The following ANKRD22 variants were observed in gnomAD, a reference collection of about 807,000 sequenced individuals.
The protein encoded by ANKRD22 is ankyrin repeat domain-containing protein 22.
Under a neutral mutation model 25.7 loss-of-function variants are expected in ANKRD22, and 24 were observed. That is an observed-to-expected ratio of 0.93 (90% confidence interval 0.68 to 1.31). The LOEUF is 1.31. ANKRD22 is among the 50% of genes most tolerant of loss of function. The pLI is 0.00. For synonymous variants in ANKRD22, 84 were observed against 84.3 expected, an observed-to-expected ratio of 1.00 and a Z score of 0.02; for missense variants, 214 against 227.1, an observed-to-expected ratio of 0.94 and a Z score of 0.37.
intron 1 of ANKRD22, among the ~76,000 whole-genome samples, chr10:88,841,330 G>T (rs1439566110): frequency 6.6e-6 from 1 of 152,008 alleles, no homozygotes; most frequent in East Asian, 1.9e-4. Flanking sequence ...AAGGCAGTAG[G>T]GTGCCCATAA....
intron 1 of ANKRD22, among the ~76,000 whole-genome samples, chr10:88,840,983 A>T (rs1464357542): frequency 1.3e-5 from 2 of 152,170 alleles, no homozygotes; most frequent in African/African-American, 4.8e-5. Flanking sequence ...CGTGTAGAGA[A>T]GTCATAGTTC....
At position 88,823,026 on chromosome 10, in the gene ANKRD22, G is replaced by A. The variant is rs758820445; in HGVS notation, c.499-8C>T. ...CAGTGAGCTCTCACCATGCTGAGGG[G>A]GGAAAAATATACAGTTATTTCCAAT... is the stretch of plus-strand genomic sequence containing the variant. On this transcript the variant is annotated splice_region_variant and splice_polypyrimidine_tract_variant and intron_variant, in intron 5 of 5. Coordinates refer to ENST00000371930, the MANE Select transcript of ANKRD22 (RefSeq NM_144590.3). The A allele has an allele frequency of 2.2e-5, 35 of 1,610,620 alleles. No individual in the cohort carries two copies. The South Asian group carries it at 3.5e-4, about 16-fold the overall frequency.
chr10:88,829,940 A>G (rs1448029561), intron 2 of ANKRD22, among the ~76,000 whole-genome samples: 3 of 152,038 alleles, frequency 2.0e-5, no homozygotes, highest in East Asian at 3.8e-4. Context: ...CCACACCTGG[A>G]TAATTTTTTA....
At position 88,820,100 on chromosome 10, in the gene ANKRD22, G is replaced by A. The variant is rs1713841963; in HGVS notation, c.*2841C>T. 1 of 677,412 alleles carries A rather than the reference G, an allele frequency of 1.5e-6. No homozygotes were observed. The highest frequency in any genetic ancestry group is 2.4e-6 in the Non-Finnish European group (1 of 413,746). The allele number at this position is 677,412 out of a possible 1,614,324, so 42.0% of individuals were successfully genotyped here. A position where few individuals can be genotyped will look rare whatever the true frequency, so the allele number is the denominator to read the frequency against. On this transcript the variant is annotated 3_prime_UTR_variant, in exon 6 of 6. Transcript: ENST00000371930. ...GGCGGGAACAGAAATTCTTAACAGA[G>A]TTGTGTGGCTCTAACACCCATGTAC... is the stretch of plus-strand genomic sequence containing the variant.
intron 1 of ANKRD22, among the ~76,000 whole-genome samples, chr10:88,845,950 G>A (rs1229395861): frequency 1.3e-5 from 2 of 152,108 alleles, no homozygotes; most frequent in African/African-American, 4.8e-5. Flanking sequence ...AGTCTTTACA[G>A]TGTTAACCAC....
At chr10:88,849,106 T>C (rs1250319977) in intron 1 of ANKRD22, among the ~76,000 whole-genome samples, 1 of 152,116 alleles carries the variant, frequency 6.6e-6, no homozygotes, top group Admixed American at 6.6e-5. Flanking sequence ...ATTTAAGATA[T>C]GATTTTCAAG....
At chr10:88,828,787 C>T in intron 2 of ANKRD22, 121 bp from the exon 3 acceptor site, 1 of 668,978 alleles carries the variant, frequency 1.5e-6, no homozygotes, top group Non-Finnish European at 2.5e-6. Context: ...GGCATCTTTT[C>T]CTGTGGGATA....
At chr10:88,848,848 C>G (rs890204100) in intron 1 of ANKRD22, among the ~76,000 whole-genome samples, 1 of 152,172 alleles carries the variant, frequency 6.6e-6, no homozygotes, top group Non-Finnish European at 1.5e-5. Context: ...TCCAATAAAA[C>G]TTGCTTGATC....
Position 88,846,444 on chromosome 10 carries a change from A to G in ANKRD22, c.21+5143T>C, listed in dbSNP as rs75926032. On this transcript the variant is annotated intron_variant, in intron 1 of 5. Transcript: ENST00000371930. ...ACATTTGGGGAAAAGCACATGGAAT[A>G]AGTATTACTTTTGATGAGAATTTTA... 9.8e-3 allele frequency among the ~76,000 whole-genome samples: 1,492 copies of G among 152,306 alleles called. 49 individuals are homozygous for G. In the East Asian group the frequency reaches 0.14, roughly 14 times the overall value.
At position 88,842,618 on chromosome 10, in the gene ANKRD22, C is replaced by T. The variant is rs1021007380; in HGVS notation, c.21+8969G>A. Among the ~76,000 whole-genome samples the T allele has an allele frequency of 3.3e-5, 5 of 152,236 alleles. No homozygotes were observed. The Middle Eastern group carries it at 0.01, about 311-fold the overall frequency. ...GATACTCACAAGAGGTACATAATAG[C>T]ATTCATCACATTCTGTATCATGTTA... On this transcript the variant is annotated intron_variant, in intron 1 of 5. Coordinates refer to ENST00000371930, the MANE Select transcript of ANKRD22 (RefSeq NM_144590.3).
chr10:88,844,587 G>A (rs1844031270), intron 1 of ANKRD22, among the ~76,000 whole-genome samples: 1 of 151,972 alleles, frequency 6.6e-6, no homozygotes, highest in Non-Finnish European at 1.5e-5. Context: ...TATAACATAA[G>A]TAAACATTAC....
At chr10:88,838,035 AT>A (rs1843969967) in intron 1 of ANKRD22, among the ~76,000 whole-genome samples, 1 of 152,232 alleles carries the variant, frequency 6.6e-6, no homozygotes, top group African/African-American at 2.4e-5. Context: ...TAGCATTGAC[AT>A]TTAAAAAGAT....
At chr10:88,830,777 C>A (rs17113454) in intron 2 of ANKRD22, among the ~76,000 whole-genome samples, 1,610 of 152,264 alleles carry the variant, frequency 0.011, 32 homozygotes, top group African/African-American at 0.037. Flanking sequence ...AGTTTCCTAA[C>A]GAGCGCACCT....
At chr10:88,844,906 TC>T (rs1844034420) in intron 1 of ANKRD22, among the ~76,000 whole-genome samples, 1 of 152,158 alleles carries the variant, frequency 6.6e-6, no homozygotes, top group African/African-American at 2.4e-5. Context: ...TCTCCCACTT[TC>T]TCCTTGATAA....
At chr10:88,844,440 G>A (rs141806924) in intron 1 of ANKRD22, among the ~76,000 whole-genome samples, 137 of 152,202 alleles carry the variant, frequency 9.0e-4, no homozygotes, top group Non-Finnish European at 1.6e-3. Flanking sequence ...AAACCATTTT[G>A]TTGTATTAAA....
intron 1 of ANKRD22, among the ~76,000 whole-genome samples, chr10:88,846,156 T>TC (rs2133082165): frequency 6.6e-6 from 1 of 152,248 alleles, no homozygotes; most frequent in South Asian, 2.1e-4. Flanking sequence ...CTTTTTTTTT[T>TC]CTCATTTGAC....
At chr10:88,843,283 C>A (rs1318133134) in intron 1 of ANKRD22, among the ~76,000 whole-genome samples, 2 of 152,102 alleles carry the variant, frequency 1.3e-5, no homozygotes, top group Non-Finnish European at 2.9e-5. Context: ...ACGGGAAGTC[C>A]TGAGGTTGCT....
At chr10:88,849,419 T>G (rs773463517) in intron 1 of ANKRD22, among the ~76,000 whole-genome samples, 1 of 152,262 alleles carries the variant, frequency 6.6e-6, no homozygotes, top group East Asian at 1.9e-4. Flanking sequence ...GCATGACATA[T>G]CTGTTGAAAT....
At chr10:88,826,234 C>A in intron 3 of ANKRD22, 119 bp from the exon 4 acceptor site, 1 of 768,498 alleles carries the variant, frequency 1.3e-6, no homozygotes, top group Non-Finnish European at 2.0e-6. Flanking sequence ...CATGCATGCA[C>A]CCTTCCTAAA....
Sources: gnomAD v4.1 joint callset for allele counts (sites outside exome capture counted in the v4.1 genomes callset) on GRCh38, gnomAD v4.1.1 for gene constraint, MANE v1.5 for transcripts, NCBI Gene and HGNC (gene_info 2026-07-23, HGNC 2026-07-21) for gene names.